The following VAV2 variants were observed in gnomAD, a reference collection of about 807,000 sequenced individuals.
The protein encoded by VAV2 is guanine nucleotide exchange factor VAV2.
In VAV2, 67 loss-of-function variants were observed where a neutral mutation model predicts 132.5. That is an observed-to-expected ratio of 0.51 (90% CI 0.42 to 0.62). The LOEUF (loss-of-function observed/expected upper bound fraction) is 0.62, where lower values mean the gene tolerates loss of function less well. Ranked by LOEUF, VAV2 falls within the 20% of genes least tolerant of loss-of-function variation. The probability of loss-of-function intolerance (pLI) is 0.00; values close to 1 mark genes in which losing one functional copy is unlikely to be tolerated. For missense variants in VAV2, 938 were observed against 1,153.6 expected (o/e 0.81, Z 2.71); for synonymous variants, 492 against 443.5 (o/e 1.11, Z -1.37).
intron 18 of VAV2, 85 bp from the exon 19 acceptor site, chr9:133,783,676 C>T (rs547906233): frequency 3.3e-6 from 4 of 1,215,988 alleles, no homozygotes; most frequent in South Asian, 2.5e-5. Context: ...CTTGTCCCCA[C>T]CCAGGCTCAC....
rs779465217 is a variant in VAV2 at position 133,784,300 on chromosome 9, CA to C, written c.1634+16del. The stretch of plus-strand genomic sequence containing the variant: ...GCGTGGAGCGAGGTGAGGGCTGTAG[CA>C]GGGGGTTTCCCACACCTGAGGAACA... On this transcript the variant is annotated intron_variant, in intron 18 of 29. Coordinates refer to ENST00000371850, the MANE Select transcript of VAV2 (RefSeq NM_001134398.2). 5.0e-6 allele frequency: 8 copies of C among 1,612,550 alleles called. No homozygotes were observed. The African/African-American group carries it at 8.0e-5, about 16-fold the overall frequency.
intron 2 of VAV2, among the ~76,000 whole-genome samples, chr9:133,895,526 C>T (rs1158526437): frequency 6.6e-6 from 1 of 152,216 alleles, no homozygotes; most frequent in Admixed American, 6.5e-5. Context: ...CCGCAACGTG[C>T]CAGCGGGTGC....
intron 2 of VAV2, among the ~76,000 whole-genome samples, chr9:133,877,492 C>A (rs1433768006): frequency 1.3e-5 from 2 of 152,192 alleles, no homozygotes; most frequent in African/African-American, 4.8e-5. Context: ...CTCCATGAAT[C>A]CTCAACCACC....
intron 1 of VAV2, among the ~76,000 whole-genome samples, chr9:133,974,492 A>C (rs544365660): frequency 6.6e-6 from 1 of 152,206 alleles, no homozygotes; most frequent in South Asian, 2.1e-4. Context: ...CGCTGGGCCA[A>C]ACACACACCT....
intron 3 of VAV2, among the ~76,000 whole-genome samples, chr9:133,853,573 C>T (rs768195978): frequency 6.6e-6 from 1 of 152,134 alleles, no homozygotes; most frequent in African/African-American, 2.4e-5. Context: ...AGGGAACGGC[C>T]AAGCGGAGTC....
intron 3 of VAV2, among the ~76,000 whole-genome samples, chr9:133,841,478 C>T (rs866620703): frequency 6.6e-6 from 1 of 152,130 alleles, no homozygotes; most frequent in Non-Finnish European, 1.5e-5. Context: ...CACCTCAGAG[C>T]AGGGAAGCCC....
intron 2 of VAV2, among the ~76,000 whole-genome samples, chr9:133,901,579 C>A (rs1318972221): frequency 3.3e-5 from 5 of 152,232 alleles, no homozygotes; most frequent in Admixed American, 6.5e-5. Flanking sequence ...AGAGAGCCCA[C>A]ATGGGGAGGC....
intron 29 of VAV2, among the ~76,000 whole-genome samples, chr9:133,766,303 T>C (rs755073231): frequency 2.0e-5 from 3 of 152,220 alleles, no homozygotes; most frequent in Non-Finnish European, 2.9e-5. Flanking sequence ...AGTGTTCCTC[T>C]TTCTCCACAT....
chr9:133,817,879 T>C (rs1225952359), intron 4 of VAV2, among the ~76,000 whole-genome samples: 1 of 152,216 alleles, frequency 6.6e-6, no homozygotes, highest in Admixed American at 6.5e-5. Context: ...GCTGCTGTGA[T>C]GGCTGATTTT....
At chr9:133,922,355 A>T (rs964250285) in intron 2 of VAV2, among the ~76,000 whole-genome samples, 9 of 152,336 alleles carry the variant, frequency 5.9e-5, no homozygotes, top group African/African-American at 2.2e-4. Flanking sequence ...GGGCCTGGTG[A>T]TGATGATGCC....
At chr9:133,910,295 C>T (rs1839831596) in intron 2 of VAV2, among the ~76,000 whole-genome samples, 1 of 152,198 alleles carries the variant, frequency 6.6e-6, no homozygotes, top group Non-Finnish European at 1.5e-5. Flanking sequence ...GACGAACAAA[C>T]CCTGGTGAGT....
chr9:133,783,656 GGTCAAGGCCCTTGTCCCCAC>G, intron 18 of VAV2, 65 bp from the exon 19 acceptor site: 1 of 1,501,138 alleles, frequency 6.7e-7, no homozygotes, highest in Admixed American at 1.7e-5. Flanking sequence ...TCTCTGCCAA[GGTCAAGGCCCTTGTCCCCAC>G]CCAGGCTCAC....
intron 21 of VAV2, among the ~76,000 whole-genome samples, chr9:133,779,410 G>A (rs545246): frequency 0.19 from 29,198 of 152,046 alleles, 3,442 homozygotes; most frequent in Non-Finnish European, 0.27. Flanking sequence ...CCCAGCTCCC[G>A]CCTGGCCCAG....
chr9:133,887,446 A>G lies in VAV2; in HGVS notation c.322-26014T>C, dbSNP rs78401258. Among the ~76,000 whole-genome samples the G allele has an allele frequency of 7.8e-3, 1,181 of 152,194 alleles. 15 individuals carry two copies. Among genetic ancestry groups the G allele is most frequent in the African/African-American group, 0.027 (1,128 of 41,498 alleles). The stretch of plus-strand genomic sequence containing the variant: ...GGGCCTAAGATCCTGCCCTAACTCT[A>G]AAAACAGCAATGGCAGCCCCAGGGC... On this transcript the variant is annotated intron_variant, in intron 2 of 29. Transcript: ENST00000371850.
chr9:133,917,711 C>A (rs1840148684), intron 2 of VAV2, among the ~76,000 whole-genome samples: 1 of 152,200 alleles, frequency 6.6e-6, no homozygotes, highest in Non-Finnish European at 1.5e-5. Context: ...CTGGCCCAGG[C>A]CGGGCATCCA....
rs901251517 is a variant in VAV2, at chr9:133,879,059, C to T, written c.322-17627G>A. On this transcript the variant is annotated intron_variant, in intron 2 of 29. Coordinates refer to ENST00000371850, the MANE Select transcript of VAV2 (RefSeq NM_001134398.2). This position sits in a 1 kb window ranked among gnomAD's most constrained non-coding sequence, Gnocchi z 4.4. ...CCGTTCCCCAGGCATCATCCGCCCC[C>T]ATCCCAGGCATCCTGTGACATAGTC... Among the ~76,000 whole-genome samples, 1 of 152,208 alleles carries T rather than the reference C, an allele frequency of 6.6e-6. No individual in the cohort carries two copies. Among genetic ancestry groups the T allele is most frequent in the Non-Finnish European group, 1.5e-5 (1 of 68,032 alleles).
rs200161328 is a variant in VAV2, at chr9:133,812,105, A to G, written c.552+9T>C. On this transcript the variant is annotated intron_variant, in intron 5 of 29. Coordinates refer to ENST00000371850, the MANE Select transcript of VAV2 (RefSeq NM_001134398.2). Reference sequence around the variant, plus strand: ...AGGGGAAGGGAGGGAGGAGCGGGGCAGGGCTCACCATGGGCTGCTGCACCT... The same window carrying G: ...AGGGGAAGGGAGGGAGGAGCGGGGCGGGGCTCACCATGGGCTGCTGCACCT... 287 of 1,613,404 alleles carry G rather than the reference A, an allele frequency of 1.8e-4. No individual in the cohort carries two copies. The Middle Eastern group carries it at 2.1e-3, about 12-fold the overall frequency.
Position 133,857,919 on chromosome 9 carries a change from C to T in VAV2, c.380+3455G>A, listed in dbSNP as rs1186653027. On this transcript the variant is annotated intron_variant, in intron 3 of 29. Coordinates refer to ENST00000371850, the MANE Select transcript of VAV2 (RefSeq NM_001134398.2). This position sits in a 1 kb window ranked among gnomAD's most constrained non-coding sequence, Gnocchi z 4.0. ...GAAAGCCAGGCCCCGGGGAGGAGGG[C>T]CTGCAGAGGTCTTCCTGCAAAGCCT... Among the ~76,000 whole-genome samples, 1 of 152,220 alleles carries T rather than the reference C, an allele frequency of 6.6e-6. No homozygotes were observed. Among genetic ancestry groups the T allele is most frequent in the Non-Finnish European group, 1.5e-5 (1 of 68,028 alleles).
chr9:133,855,249 GA>G (rs1837341504), intron 3 of VAV2, among the ~76,000 whole-genome samples: 1 of 152,226 alleles, frequency 6.6e-6, no homozygotes, highest in African/African-American at 2.4e-5. Context: ...GTGCAGAGAG[GA>G]TAGCACATTC....
Sources: allele counts gnomAD v4.1 joint callset (sites outside exome capture counted in the v4.1 genomes callset), GRCh38; gene constraint gnomAD v4.1.1; non-coding constraint Gnocchi (gnomAD v3.1); transcripts MANE v1.5; gene names NCBI Gene and HGNC (gene_info 2026-07-23, HGNC 2026-07-21).